The following PHLPP2 variants were observed in gnomAD, a reference collection of about 807,000 sequenced individuals.
PHLPP2 encodes PH domain and leucine rich repeat protein phosphatase 2, also known as PH domain leucine-rich repeat-containing protein phosphatase 2.
Under a neutral mutation model 124.9 loss-of-function variants are expected in PHLPP2, and 66 were observed. The observed-to-expected ratio is 0.53, with a 90% CI of 0.43 to 0.65. PHLPP2 has a LOEUF of 0.65. Among genes scored for constraint, PHLPP2 ranks in the 30% least tolerant of loss-of-function variants. The pLI, the probability that PHLPP2 is intolerant of heterozygous loss-of-function variation, is 0.00. For missense variants in PHLPP2, 1,685 were observed against 1,600.4 expected, an observed-to-expected ratio of 1.05 and a Z score of -0.90; for synonymous variants, 681 against 624.7, an observed-to-expected ratio of 1.09 and a Z score of -1.34.
intron 5 of PHLPP2, among the ~76,000 whole-genome samples, chr16:71,684,057 G>C (rs2045029238): frequency 6.6e-6 from 1 of 151,120 alleles, no homozygotes; most frequent in Non-Finnish European, 1.5e-5. Flanking sequence ...CTCCCAAAGT[G>C]CTAGGATTAC....
rs989738052 is a variant in PHLPP2, at chr16:71,647,246, CA to C, written c.*1643del. On this transcript the variant is annotated 3_prime_UTR_variant, in exon 19 of 19. Coordinates refer to ENST00000568954, the MANE Select transcript of PHLPP2 (RefSeq NM_015020.3). ...AATTAATTTTCCTAAGCAAATCTTC[CA>C]ATGGAAAAAGTGACAGAAGTATGAA... is the stretch of plus-strand genomic sequence containing the variant. 18 of 152,622 alleles carry C rather than the reference CA, an allele frequency of 1.2e-4. No homozygotes were observed. Among genetic ancestry groups the C allele is most frequent in the African/African-American group, 4.3e-4 (18 of 41,522 alleles). 9.5% of individuals were successfully genotyped at this position (152,622 alleles called of 1,614,324 possible).
At chr16:71,682,558 C>T (rs1042228960) in intron 5 of PHLPP2, among the ~76,000 whole-genome samples, 1 of 152,118 alleles carries the variant, frequency 6.6e-6, no homozygotes, top group Non-Finnish European at 1.5e-5. Flanking sequence ...AAAGACATGG[C>T]CTTCTGTAGC....
In PHLPP2 at chr16:71,667,167, A is replaced by G. The variant is rs375136070; in HGVS notation, c.1784+11T>C. On this transcript the variant is annotated intron_variant, in intron 12 of 18. Coordinates refer to ENST00000568954, the MANE Select transcript of PHLPP2 (RefSeq NM_015020.3). Reference sequence around the variant, plus strand: ...ATTCTGCTCTTCCGAAAAAAATCCTATGATACTTACTTTAAGGCCTTGGAG... The same window carrying G: ...ATTCTGCTCTTCCGAAAAAAATCCTGTGATACTTACTTTAAGGCCTTGGAG... 3 of 1,606,118 alleles carry G rather than the reference A, an allele frequency of 1.9e-6. No homozygotes were observed. The highest frequency in any genetic ancestry group is 1.7e-5 in the Admixed American group (1 of 58,376).
chr16:71,692,365 G>A (rs932323626), intron 3 of PHLPP2, among the ~76,000 whole-genome samples: 1 of 152,070 alleles, frequency 6.6e-6, no homozygotes, highest in African/African-American at 2.4e-5. Flanking sequence ...CACCGCACCT[G>A]GCCACTTAAT....
At chr16:71,691,624 G>A (rs2045114491) in intron 3 of PHLPP2, among the ~76,000 whole-genome samples, 1 of 152,052 alleles carries the variant, frequency 6.6e-6, no homozygotes, top group Admixed American at 6.6e-5. Context: ...AACTACAGGA[G>A]TACTCTAATT....
rs889184797 is a variant in PHLPP2 at position 71,648,452 on chromosome 16, A to G, written c.*438T>C. The G allele has an allele frequency of 4.1e-5, 7 of 171,574 alleles. No homozygotes were observed. Among genetic ancestry groups the G allele is most frequent in the Non-Finnish European group, 9.1e-5 (7 of 77,326 alleles). 10.6% of individuals were successfully genotyped at this position (171,574 alleles called of 1,614,324 possible). A position where few individuals can be genotyped will look rare whatever the true frequency, so the allele number is the denominator to read the frequency against. Reference sequence around the variant, plus strand: ...CTCACACTTTTTGGCTCCGAGTTCAACCCCACACAGCTATGGTTTAGAAAT... The same window carrying G: ...CTCACACTTTTTGGCTCCGAGTTCAGCCCCACACAGCTATGGTTTAGAAAT... On this transcript the variant is annotated 3_prime_UTR_variant, in exon 19 of 19. Coordinates refer to ENST00000568954, the MANE Select transcript of PHLPP2 (RefSeq NM_015020.3).
chr16:71,670,721 C>CACACACACACACACACAT (rs1555545714), intron 10 of PHLPP2, among the ~76,000 whole-genome samples: 8 of 151,064 alleles, frequency 5.3e-5, no homozygotes, highest in African/African-American at 1.2e-4. Flanking sequence ...CACACACACA[C>CACACACACACACACACAT]GAGAGGAGGG....
chr16:71,653,937 T>TTTGG (rs2044718577), intron 17 of PHLPP2, among the ~76,000 whole-genome samples: 1 of 151,996 alleles, frequency 6.6e-6, no homozygotes, highest in Non-Finnish European at 1.5e-5. Context: ...GGCTCACGCC[T>TTTGG]GTAATCCCAG....
At chr16:71,720,855 CGG>C (rs2045393888) in intron 1 of PHLPP2, among the ~76,000 whole-genome samples, 1 of 139,296 alleles carries the variant, frequency 7.2e-6, no homozygotes. Flanking sequence ...AACTCCACCT[CGG>C]AAAAAAAAAC....
At chr16:71,673,453 C>G (rs967132612) in intron 9 of PHLPP2, among the ~76,000 whole-genome samples, 3 of 152,116 alleles carry the variant, frequency 2.0e-5, no homozygotes, top group African/African-American at 7.2e-5. Flanking sequence ...ATTAACTGAT[C>G]ACATTTAGAT....
chr16:71,722,141 A>T (rs927661208), intron 1 of PHLPP2, among the ~76,000 whole-genome samples: 1 of 152,094 alleles, frequency 6.6e-6, no homozygotes, highest in African/African-American at 2.4e-5. Context: ...ACTTAACAAA[A>T]CTGTATGAGG....
chr16:71,677,036 G>A, intron 8 of PHLPP2: 1 of 218,730 alleles, frequency 4.6e-6, no homozygotes, highest in Admixed American at 5.3e-5. Context: ...GAGCCACCGT[G>A]CCCGGCCCCC....
chr16:71,719,950 A>G (rs1233913806), intron 1 of PHLPP2, among the ~76,000 whole-genome samples: 1 of 107,008 alleles, frequency 9.3e-6, no homozygotes, highest in Non-Finnish European at 1.9e-5. Context: ...GGTGCACAAC[A>G]CCATGCCCAG....
At position 71,684,471 on chromosome 16, in the gene PHLPP2, T is replaced by TTC. The variant is rs2045034223; in HGVS notation, c.735+3_735+4dup. The TTC allele has an allele frequency of 6.2e-7, 1 of 1,613,870 alleles. No individual in the cohort carries two copies. Among genetic ancestry groups the TTC allele is most frequent in the African/African-American group, 1.3e-5 (1 of 75,020 alleles). On this transcript the variant is annotated splice_donor_region_variant and intron_variant, in intron 5 of 18. Transcript: ENST00000568954. Reference sequence around the variant, plus strand: ...TCCACATCAGAACATCCCATTACTTTTCACCTTGGATGCTTGCCGTTGCCA... The same window carrying TTC: ...TCCACATCAGAACATCCCATTACTTTTCTCACCTTGGATGCTTGCCGTTGCCA...
chr16:71,692,767 A>C (rs534850815), intron 3 of PHLPP2, among the ~76,000 whole-genome samples: 1 of 152,298 alleles, frequency 6.6e-6, no homozygotes, highest in East Asian at 1.9e-4. Context: ...ATTACTTATA[A>C]TATCTAAAAC....
intron 6 of PHLPP2, among the ~76,000 whole-genome samples, chr16:71,681,191 G>C (rs1049561344): frequency 3.3e-5 from 5 of 152,086 alleles, no homozygotes; most frequent in African/African-American, 9.7e-5. Flanking sequence ...CCATTTTTAA[G>C]TGGAGGAATG....
intron 9 of PHLPP2, among the ~76,000 whole-genome samples, chr16:71,676,221 T>C (rs1470416310): frequency 1.3e-5 from 2 of 152,174 alleles, no homozygotes; most frequent in Non-Finnish European, 2.9e-5. Context: ...GTGGAATGCC[T>C]CTTATTATGC....
At position 71,705,360 on chromosome 16, in the gene PHLPP2, G is replaced by C. The variant is rs73580215; in HGVS notation, c.285-2629C>G. Among the ~76,000 whole-genome samples, 451 of 152,138 alleles carry C rather than the reference G, an allele frequency of 3.0e-3. 3 individuals are homozygous for C. Among genetic ancestry groups the C allele is most frequent in the African/African-American group, 9.8e-3 (407 of 41,510 alleles). On this transcript the variant is annotated intron_variant, in intron 2 of 18. Transcript: ENST00000568954. Reference sequence around the variant, plus strand: ...CAATTATACTTTCAGGCTAAATCTCGAGTGCTCAATTTTTCTATTTCTCTC... The same window carrying C: ...CAATTATACTTTCAGGCTAAATCTCCAGTGCTCAATTTTTCTATTTCTCTC...
At chr16:71,679,640 T>A (rs1243689676) in intron 6 of PHLPP2, 105 bp from the exon 7 acceptor site, 2 of 927,596 alleles carry the variant, frequency 2.2e-6, no homozygotes, top group East Asian at 2.6e-5. Context: ...ATGTCTATAA[T>A]AGAATTTATT....
Sources: gnomAD v4.1 joint callset for allele counts (sites outside exome capture counted in the v4.1 genomes callset) on GRCh38, gnomAD v4.1.1 for gene constraint, MANE v1.5 for transcripts, NCBI Gene and HGNC (gene_info 2026-07-23, HGNC 2026-07-21) for gene names.